The following WWP2 variants were observed in gnomAD, a reference collection of about 807,000 sequenced individuals.
WWP2 encodes the protein WW domain containing E3 ubiquitin protein ligase 2.
A neutral mutation model predicts 121.0 loss-of-function variants in WWP2; 57 were observed. The observed-to-expected ratio is 0.47, with a 90% CI of 0.38 to 0.59. WWP2 has a LOEUF of 0.59. WWP2 is among the 20% of genes least tolerant of loss of function. The probability of loss-of-function intolerance (pLI) is 0.00; values close to 1 mark genes in which losing one functional copy is unlikely to be tolerated. For missense variants in WWP2, 962 were observed against 1,158.9 expected (o/e 0.83, Z 2.47); for synonymous variants, 449 against 441.3 (o/e 1.02, Z -0.22).
intron 6 of WWP2, among the ~76,000 whole-genome samples, chr16:69,861,143 G>A (rs1442425397): frequency 1.3e-5 from 2 of 152,218 alleles, no homozygotes; most frequent in Admixed American, 1.3e-4. Context: ...ATAATTCAGG[G>A]TCAGGGGATC....
intron 1 of WWP2, among the ~76,000 whole-genome samples, chr16:69,774,316 C>T (rs547794213): frequency 1.3e-5 from 2 of 151,900 alleles, no homozygotes; most frequent in African/African-American, 2.4e-5. Flanking sequence ...AGTGCAGTGG[C>T]GTGATCATAG....
chr16:69,868,980 C>T (rs563112315), intron 6 of WWP2, among the ~76,000 whole-genome samples: 12 of 152,292 alleles, frequency 7.9e-5, no homozygotes, highest in African/African-American at 2.4e-4. Flanking sequence ...CTCCACCTCC[C>T]GGGTTCTAAG....
chr16:69,913,799 G>A (rs1051952083), intron 9 of WWP2, among the ~76,000 whole-genome samples: 11 of 151,964 alleles, frequency 7.2e-5, no homozygotes, highest in African/African-American at 2.7e-4. Flanking sequence ...GCTGAGCATG[G>A]TGGCTCACGC....
intron 4 of WWP2, among the ~76,000 whole-genome samples, chr16:69,833,017 C>T (rs1349248867): frequency 1.3e-5 from 2 of 152,082 alleles, no homozygotes; most frequent in African/African-American, 4.8e-5. Context: ...CCACGTCCAA[C>T]TAATTATTTT....
chr16:69,767,681 T>C (rs1180781434), intron 1 of WWP2, among the ~76,000 whole-genome samples: 1 of 152,140 alleles, frequency 6.6e-6, no homozygotes, highest in Non-Finnish European at 1.5e-5. Flanking sequence ...TGGAGGGGGC[T>C]ATGTGGGGAT....
At chr16:69,791,859 A>G (rs2055919693) in intron 2 of WWP2, among the ~76,000 whole-genome samples, 1 of 152,076 alleles carries the variant, frequency 6.6e-6, no homozygotes, top group African/African-American at 2.4e-5. Context: ...TATAGATGTG[A>G]GCCTCTGCAC....
intron 4 of WWP2, among the ~76,000 whole-genome samples, chr16:69,802,627 G>T (rs559940264): frequency 1.1e-4 from 17 of 148,356 alleles, no homozygotes; most frequent in Non-Finnish European, 2.2e-4. Context: ...TTGAGACAGG[G>T]TCTCGCACTG....
At chr16:69,856,460 C>A (rs1186606995) in intron 6 of WWP2, among the ~76,000 whole-genome samples, 5 of 152,094 alleles carry the variant, frequency 3.3e-5, no homozygotes, top group Non-Finnish European at 5.9e-5. Context: ...TAAATTATAC[C>A]TTAATTTTAA....
chr16:69,910,490 A>G (rs1303670512), intron 9 of WWP2: 4 of 419,912 alleles, frequency 9.5e-6, no homozygotes, highest in Non-Finnish European at 9.5e-6. Context: ...GCTCACTGCA[A>G]CCTCCACCTC....
intron 4 of WWP2, among the ~76,000 whole-genome samples, chr16:69,806,374 T>C (rs1480661694): frequency 6.6e-6 from 1 of 152,228 alleles, no homozygotes; most frequent in Non-Finnish European, 1.5e-5. Flanking sequence ...GTAATTTGTC[T>C]GTAGCTTTGG....
At chr16:69,800,830 G>T (rs1043252701) in intron 4 of WWP2, among the ~76,000 whole-genome samples, 1 of 151,312 alleles carries the variant, frequency 6.6e-6, no homozygotes, top group Non-Finnish European at 1.5e-5. Flanking sequence ...CTCCCAAAGT[G>T]TTGGGATTAC....
At chr16:69,917,929 C>T in intron 10 of WWP2, 46 bp downstream of exon 10, 1 of 1,560,544 alleles carries the variant, frequency 6.4e-7, no homozygotes, top group Non-Finnish European at 8.7e-7. Flanking sequence ...CCTCCCTGCG[C>T]TTGCGAATGT....
At chr16:69,915,378 G>A (rs1042446066) in intron 9 of WWP2, among the ~76,000 whole-genome samples, 1 of 152,176 alleles carries the variant, frequency 6.6e-6, no homozygotes, top group African/African-American at 2.4e-5. Flanking sequence ...CTCATCTTTG[G>A]TAGTGGAAAG....
At position 69,820,173 on chromosome 16, in the gene WWP2, C is replaced by CCACCATGGTCG. The variant is rs1430415363; in HGVS notation, c.341-19953_341-19952insCACCATGGTCG. Among the ~76,000 whole-genome samples, 6 of 152,152 alleles carry CCACCATGGTCG rather than the reference C, an allele frequency of 3.9e-5. No homozygotes were observed. In the East Asian group the frequency reaches 1.2e-3, roughly 29 times the overall value. On this transcript the variant is annotated intron_variant, in intron 4 of 23. Coordinates refer to ENST00000359154, the MANE Select transcript of WWP2 (RefSeq NM_001270454.2). Reference sequence around the variant, plus strand: ...ACCTGAGCTTTGGTGGTCGAGGATGCAGTGAACTGTGATCATGCCACTGTA... The same window carrying CCACCATGGTCG: ...ACCTGAGCTTTGGTGGTCGAGGATGCCACCATGGTCGAGTGAACTGTGATCATGCCACTGTA...
intron 16 of WWP2, 110 bp from the exon 17 acceptor site, chr16:69,933,860 A>G: frequency 7.7e-7 from 1 of 1,296,792 alleles, no homozygotes; most frequent in South Asian, 1.4e-5. Context: ...ACTCCCTGGG[A>G]CACGTGTCCC....
chr16:69,889,673 C>T (rs74029737), intron 8 of WWP2, among the ~76,000 whole-genome samples: 2,618 of 152,214 alleles, frequency 0.017, 79 homozygotes, highest in African/African-American at 0.059. Flanking sequence ...GCTTCTGAAC[C>T]GGGAGGTGAA....
intron 8 of WWP2, among the ~76,000 whole-genome samples, chr16:69,899,726 CAAAAAAA>C (rs35485826): frequency 2.3e-4 from 15 of 64,752 alleles, no homozygotes; most frequent in East Asian, 9.2e-4. Flanking sequence ...GACTCCGTCT[CAAAAAAA>C]AAAAAAAAAA....
Position 69,925,613 on chromosome 16 carries a change from C to T in WWP2, c.1234+129C>T. The T allele has an allele frequency of 8.0e-7, 1 of 1,250,954 alleles. No homozygotes were observed. The highest frequency in any genetic ancestry group is 1.7e-5 in the South Asian group (1 of 58,440). The allele number at this position is 1,250,954 out of a possible 1,614,324, so 77.5% of individuals were successfully genotyped here. A position where few individuals can be genotyped will look rare whatever the true frequency, so the allele number is the denominator to read the frequency against. On this transcript the variant is annotated intron_variant, in intron 11 of 23. Coordinates refer to ENST00000359154, the MANE Select transcript of WWP2 (RefSeq NM_001270454.2). The surrounding 1 kb of genome is among the most constrained non-coding windows in gnomAD (Gnocchi z 4.0). ...CCATCTCTCCCCTCTCCAGCACACT[C>T]TCTGGGCATGCCCCACCAGAGCAAT...
chr16:69,801,182 TAAAA>T (rs376524877), intron 4 of WWP2, among the ~76,000 whole-genome samples: 2 of 122,570 alleles, frequency 1.6e-5, no homozygotes, highest in African/African-American at 5.9e-5. Context: ...GAGCAAGTCT[TAAAA>T]AAAAAAAAAA....
Sources: gnomAD v4.1 joint callset for allele counts (sites outside exome capture counted in the v4.1 genomes callset) on GRCh38, gnomAD v4.1.1 for gene constraint, Gnocchi (gnomAD v3.1) non-coding constraint, MANE v1.5 for transcripts, NCBI Gene and HGNC (gene_info 2026-07-23, HGNC 2026-07-21) for gene names.